The following P2RY2 variants were observed in gnomAD, a reference collection of about 807,000 sequenced individuals.
The protein encoded by P2RY2 is purinergic receptor P2Y2.
For synonymous variants in P2RY2, 241 were observed against 231.9 expected (o/e 1.04, Z -0.35); for missense variants, 567 against 515.7 (o/e 1.10, Z -0.96).
At position 73,238,769 on chromosome 11, in the gene P2RY2, A is replaced by G. The variant is rs1340227535; in HGVS notation, c.*3476A>G. On this transcript the variant is annotated 3_prime_UTR_variant, in exon 3 of 3. Coordinates refer to ENST00000393597, the MANE Select transcript of P2RY2 (RefSeq NM_002564.4). ...GGTGAGTCAGAGTGAGTCCAGGTTC[A>G]CCTGATGGCCAGAATCATGCCCTTT... Among the ~76,000 whole-genome samples the G allele has an allele frequency of 6.6e-6, 1 of 152,144 alleles. No homozygotes were observed. Among genetic ancestry groups the G allele is most frequent in the African/African-American group, 2.4e-5 (1 of 41,422 alleles).
chr11:73,225,634 A>G (rs1231689764), intron 1 of P2RY2, among the ~76,000 whole-genome samples: 1 of 98,722 alleles, frequency 1.0e-5, no homozygotes, highest in Non-Finnish European at 2.2e-5. Context: ...CTCTGAAATC[A>G]GACAGCCCAG....
At position 73,238,577 on chromosome 11, in the gene P2RY2, G is replaced by C. The variant is rs992413861; in HGVS notation, c.*3284G>C. Among the ~76,000 whole-genome samples the C allele has an allele frequency of 6.6e-6, 1 of 152,220 alleles. No homozygotes were observed. Among genetic ancestry groups the C allele is most frequent in the Non-Finnish European group, 1.5e-5 (1 of 68,036 alleles). ...GTTTAGAATCAGGCACATGAGGGAGGGAAGTCGTGTATTGACCCATGTCCC... is the reference window on the plus strand; with the variant it reads ...GTTTAGAATCAGGCACATGAGGGAGCGAAGTCGTGTATTGACCCATGTCCC... On this transcript the variant is annotated 3_prime_UTR_variant, in exon 3 of 3. Coordinates refer to ENST00000393597, the MANE Select transcript of P2RY2 (RefSeq NM_002564.4).
chr11:73,238,431 C>CT lies in P2RY2; in HGVS notation c.*3141dup. 6.6e-6 allele frequency among the ~76,000 whole-genome samples: 1 copy of CT among 152,306 alleles called. No homozygotes were observed. Among genetic ancestry groups the CT allele is most frequent in the African/African-American group, 2.4e-5 (1 of 41,558 alleles). ...GGAGGAACCCCAGGGTACATTCCCA[C>CT]TTTCACCCCCTGAGGTTAGAAGAGG... On this transcript the variant is annotated 3_prime_UTR_variant, in exon 3 of 3. Transcript: ENST00000393597.
intron 1 of P2RY2, among the ~76,000 whole-genome samples, chr11:73,223,781 G>T (rs1862194429): frequency 6.6e-6 from 1 of 152,176 alleles, no homozygotes; most frequent in Non-Finnish European, 1.5e-5. Flanking sequence ...CCCTGTTCTG[G>T]GCTATGCTGG....
chr11:73,235,917 G>T lies in P2RY2; in HGVS notation c.*624G>T, dbSNP rs1371123367. 1.0e-6 allele frequency: 1 copy of T among 1,000,422 alleles called. No homozygotes were observed. Among genetic ancestry groups the T allele is most frequent in the Non-Finnish European group, 1.2e-6 (1 of 830,094 alleles). 62.0% of individuals were successfully genotyped at this position (1,000,422 alleles called of 1,614,324 possible). A position where few individuals can be genotyped will look rare whatever the true frequency, so the allele number is the denominator to read the frequency against. On this transcript the variant is annotated 3_prime_UTR_variant, in exon 3 of 3. Transcript: ENST00000393597. ...GTGTGAGGCTGTAACTTATACTAAA[G>T]GTTGTGTTGCCTGCTGAGCTGTGCC...
intron 2 of P2RY2, 25 bp from the exon 3 acceptor site, chr11:73,234,131 G>T: frequency 6.3e-7 from 1 of 1,576,896 alleles, no homozygotes. Context: ...CAACCCTGAT[G>T]GCCCCACCCC....
chr11:73,219,137 G>C (rs1862049929), intron 1 of P2RY2, among the ~76,000 whole-genome samples: 1 of 152,254 alleles, frequency 6.6e-6, no homozygotes, highest in African/African-American at 2.4e-5. Flanking sequence ...AGAATTGCCA[G>C]CTCGGGATTT....
chr11:73,218,921 C>A (rs1226114477), intron 1 of P2RY2, among the ~76,000 whole-genome samples: 1 of 151,802 alleles, frequency 6.6e-6, no homozygotes, highest in Non-Finnish European at 1.5e-5. Context: ...GTTGAGGGGG[C>A]AGTTGCAGGG....
chr11:73,233,990 A>T, intron 2 of P2RY2, 166 bp from the exon 3 acceptor site: 2 of 730,450 alleles, frequency 2.7e-6, no homozygotes, highest in South Asian at 3.9e-5. Flanking sequence ...TGTGATCCTG[A>T]TATTTATTCA....
Position 73,235,448 on chromosome 11 carries a change from T to G in P2RY2, c.*155T>G. On this transcript the variant is annotated 3_prime_UTR_variant, in exon 3 of 3. Coordinates refer to ENST00000393597, the MANE Select transcript of P2RY2 (RefSeq NM_002564.4). The stretch of plus-strand genomic sequence containing the variant: ...TTTGACAGGGGCTCAGGATATTCAC[T>G]CTGTGGTCCAGAGTCAACTGTTCCC... The G allele has an allele frequency of 4.3e-6, 6 of 1,406,388 alleles. 1 individual carries two copies. The South Asian group carries it at 9.1e-5, about 21-fold the overall frequency. 87.1% of individuals were successfully genotyped at this position (1,406,388 alleles called of 1,614,324 possible). A position where few individuals can be genotyped will look rare whatever the true frequency, so the allele number is the denominator to read the frequency against.
chr11:73,234,101 C>T, intron 2 of P2RY2, 55 bp from the exon 3 acceptor site: 1 of 1,545,012 alleles, frequency 6.5e-7, no homozygotes, highest in East Asian at 2.3e-5. Flanking sequence ...GTGTCAGGTC[C>T]CCTAGGGGCG....
At chr11:73,219,382 G>A (rs1389060699) in intron 1 of P2RY2, among the ~76,000 whole-genome samples, 1 of 152,234 alleles carries the variant, frequency 6.6e-6, no homozygotes, top group Non-Finnish European at 1.5e-5. Context: ...TTCCAATCCT[G>A]TCTTGGCCAC....
At chr11:73,220,727 AGGGGTTGG>A (rs1862093690) in intron 1 of P2RY2, among the ~76,000 whole-genome samples, 1 of 152,096 alleles carries the variant, frequency 6.6e-6, no homozygotes, top group Non-Finnish European at 1.5e-5. Flanking sequence ...GTCTGGTCAG[AGGGGTTGG>A]GGATCCCAGT....
intron 1 of P2RY2, among the ~76,000 whole-genome samples, chr11:73,221,003 G>C (rs1415139223): frequency 6.6e-6 from 1 of 152,136 alleles, no homozygotes; most frequent in Non-Finnish European, 1.5e-5. Flanking sequence ...TGAGAATGGT[G>C]ATCCTTGCTT....
rs576251056 is a variant in P2RY2, at chr11:73,221,905, C to T, written c.-200+3473C>T. ...GGTCTTTGGGAAATGAGTGGCCAGG[C>T]GGGAGTAGGCATGGAGTAGAAGGGG... On this transcript the variant is annotated intron_variant, in intron 1 of 2. Transcript: ENST00000393597. Among the ~76,000 whole-genome samples the T allele has an allele frequency of 3.7e-4, 56 of 151,270 alleles. 1 individual carries two copies. In the South Asian group the frequency reaches 0.01, roughly 27 times the overall value.
chr11:73,235,419 G>A lies in P2RY2; in HGVS notation c.*126G>A, dbSNP rs1862622499. 4.8e-6 allele frequency: 7 copies of A among 1,454,506 alleles called. No individual in the cohort carries two copies. The highest frequency in any genetic ancestry group is 5.4e-6 in the Non-Finnish European group (6 of 1,103,406). 90.1% of individuals were successfully genotyped at this position (1,454,506 alleles called of 1,614,324 possible). On this transcript the variant is annotated 3_prime_UTR_variant, in exon 3 of 3. Coordinates refer to ENST00000393597, the MANE Select transcript of P2RY2 (RefSeq NM_002564.4). ...CTCATGCTGGATGACCCCATGCTCC[G>A]TCATTTGACAGGGGCTCAGGATATT...
rs186453459 is a variant in P2RY2 at position 73,238,415 on chromosome 11, C to G, written c.*3122C>G. On this transcript the variant is annotated 3_prime_UTR_variant, in exon 3 of 3. Transcript: ENST00000393597. ...AGGGTCCAGGAGGGATGGAGGAACC[C>G]CAGGGTACATTCCCACTTTCACCCC... is the stretch of plus-strand genomic sequence containing the variant. Among the ~76,000 whole-genome samples, 236 of 152,224 alleles carry G rather than the reference C, an allele frequency of 1.6e-3. No individual in the cohort carries two copies. The highest frequency in any genetic ancestry group is 3.4e-3 in the Middle Eastern group (1 of 294).
At chr11:73,223,088 A>G (rs1328074414) in intron 1 of P2RY2, among the ~76,000 whole-genome samples, 1 of 152,208 alleles carries the variant, frequency 6.6e-6, no homozygotes, top group African/African-American at 2.4e-5. Flanking sequence ...ATCAGGAGCA[A>G]CGAGTAATAG....
chr11:73,231,412 C>T (rs966039331), intron 2 of P2RY2, among the ~76,000 whole-genome samples: 2 of 137,178 alleles, frequency 1.5e-5, no homozygotes, highest in African/African-American at 5.3e-5. Context: ...AAAAAAAAAG[C>T]TAGGTGAGGT....
Sources: gnomAD v4.1 joint callset for allele counts (sites outside exome capture counted in the v4.1 genomes callset) on GRCh38, gnomAD v4.1.1 for gene constraint, MANE v1.5 for transcripts, NCBI Gene and HGNC (gene_info 2026-07-23, HGNC 2026-07-21) for gene names.